The following SPOCK3 variants were observed in gnomAD, a reference collection of about 807,000 sequenced individuals.
The protein encoded by SPOCK3 is SPARC (osteonectin), cwcv and kazal like domains proteoglycan 3, also known as testican-3.
In SPOCK3, 30 loss-of-function variants were observed where a neutral mutation model predicts 56.6. The observed-to-expected ratio is 0.53, with a 90% CI of 0.40 to 0.72. The LOEUF is 0.72. SPOCK3 is among the 30% of genes least tolerant of loss of function. The pLI is 0.00. For missense variants in SPOCK3, 527 were observed against 530.0 expected (o/e 0.99, Z 0.06); for synonymous variants, 196 against 183.3 (o/e 1.07, Z -0.56).
At position 166,766,097 on chromosome 4, in the gene SPOCK3, T is replaced by G. The variant is rs1214162401; in HGVS notation, c.710-11368A>C. Reference sequence around the variant, plus strand: ...TTAAGGGGATTTTGGGCTGAGATGATAGGGTTTTCTAAATATACAATCATG... The same window carrying G: ...TTAAGGGGATTTTGGGCTGAGATGAGAGGGTTTTCTAAATATACAATCATG... On this transcript the variant is annotated intron_variant, in intron 7 of 10. Coordinates refer to ENST00000357545, the MANE Select transcript of SPOCK3 (RefSeq NM_001040159.2). 2.0e-5 allele frequency among the ~76,000 whole-genome samples: 3 copies of G among 152,190 alleles called. No homozygotes were observed. In the East Asian group the frequency reaches 5.8e-4, roughly 29 times the overall value.
chr4:166,966,245 T>A (rs1744721360), intron 4 of SPOCK3, among the ~76,000 whole-genome samples: 1 of 151,892 alleles, frequency 6.6e-6, no homozygotes, highest in Non-Finnish European at 1.5e-5. Context: ...TCAGCGTTTT[T>A]TTTTTTTTCC....
intron 3 of SPOCK3, among the ~76,000 whole-genome samples, chr4:167,037,844 A>T (rs1752900849): frequency 6.6e-6 from 1 of 152,268 alleles, no homozygotes; most frequent in Admixed American, 6.5e-5. Context: ...TTGTCTGCAC[A>T]TCTAATTAGA....
At chr4:167,166,228 A>G (rs1765750062) in intron 2 of SPOCK3, among the ~76,000 whole-genome samples, 1 of 152,106 alleles carries the variant, frequency 6.6e-6, no homozygotes, top group Non-Finnish European at 1.5e-5. Flanking sequence ...TCCCTGGACA[A>G]AACTAGAACA....
At chr4:166,988,860 A>C (rs958208609) in intron 4 of SPOCK3, among the ~76,000 whole-genome samples, 1 of 152,132 alleles carries the variant, frequency 6.6e-6, no homozygotes, top group Non-Finnish European at 1.5e-5. Context: ...CTTATCAATA[A>C]GCAGGTATTG....
At chr4:167,011,751 A>T (rs984942079) in intron 3 of SPOCK3, among the ~76,000 whole-genome samples, 9 of 152,186 alleles carry the variant, frequency 5.9e-5, no homozygotes, top group African/African-American at 2.2e-4. Flanking sequence ...TAAAAGACCT[A>T]TTGCTTTTAT....
At chr4:167,153,439 A>T (rs1254971047) in intron 2 of SPOCK3, among the ~76,000 whole-genome samples, 1 of 152,220 alleles carries the variant, frequency 6.6e-6, no homozygotes, top group Non-Finnish European at 1.5e-5. Context: ...GCTGTCCCAT[A>T]TGTGACTATT....
At chr4:167,171,256 T>C (rs1436926299) in intron 2 of SPOCK3, among the ~76,000 whole-genome samples, 1 of 152,122 alleles carries the variant, frequency 6.6e-6, no homozygotes, top group Non-Finnish European at 1.5e-5. Context: ...AGGTGTAGAA[T>C]GTGCACAGGT....
chr4:166,952,039 C>T (rs1322211264), intron 4 of SPOCK3, among the ~76,000 whole-genome samples: 1 of 152,200 alleles, frequency 6.6e-6, no homozygotes, highest in Non-Finnish European at 1.5e-5. Flanking sequence ...GGGATGCCTT[C>T]TCTCACCACT....
At chr4:167,210,897 G>A (rs908537081) in intron 2 of SPOCK3, among the ~76,000 whole-genome samples, 1 of 152,054 alleles carries the variant, frequency 6.6e-6, no homozygotes, top group Non-Finnish European at 1.5e-5. Context: ...TTCAGTTATT[G>A]CATAGACACT....
At chr4:166,821,646 C>T (rs1429042795) in intron 6 of SPOCK3, among the ~76,000 whole-genome samples, 1 of 151,760 alleles carries the variant, frequency 6.6e-6, no homozygotes, top group Admixed American at 6.6e-5. Context: ...ATAGATGAAC[C>T]TCAAAAAAAG....
intron 2 of SPOCK3, among the ~76,000 whole-genome samples, chr4:167,183,514 A>T (rs749183284): frequency 2.0e-5 from 3 of 152,202 alleles, no homozygotes; most frequent in Admixed American, 6.5e-5. Flanking sequence ...CTTCTTAAAG[A>T]CATATGAATA....
At chr4:166,921,717 A>T (rs1023577982) in intron 4 of SPOCK3, among the ~76,000 whole-genome samples, 14 of 152,210 alleles carry the variant, frequency 9.2e-5, no homozygotes, top group Non-Finnish European at 1.5e-5. Context: ...ACTATATATT[A>T]AAGACTATAA....
chr4:167,073,101 T>C (rs921152282), intron 2 of SPOCK3, among the ~76,000 whole-genome samples: 1 of 151,738 alleles, frequency 6.6e-6, no homozygotes, highest in African/African-American at 2.4e-5. Context: ...TTGTATCATA[T>C]TAATAATGTA....
chr4:166,990,741 G>T (rs1172624054), intron 4 of SPOCK3, among the ~76,000 whole-genome samples: 1 of 151,928 alleles, frequency 6.6e-6, no homozygotes, highest in Non-Finnish European at 1.5e-5. Flanking sequence ...AAAATGTCAT[G>T]ATTAAAATAA....
intron 6 of SPOCK3, among the ~76,000 whole-genome samples, chr4:166,850,887 G>A (rs906118540): frequency 9.9e-5 from 15 of 152,230 alleles, no homozygotes; most frequent in African/African-American, 2.2e-4. Flanking sequence ...AGCGAGGCTG[G>A]GGGAGGGGTG....
At chr4:167,161,005 C>T (rs912462067) in intron 2 of SPOCK3, among the ~76,000 whole-genome samples, 8 of 152,134 alleles carry the variant, frequency 5.3e-5, no homozygotes, top group African/African-American at 1.4e-4. Flanking sequence ...ATGTCTAAAA[C>T]ACCAAAAGCC....
intron 2 of SPOCK3, among the ~76,000 whole-genome samples, chr4:167,207,391 G>C (rs1734452312): frequency 6.6e-6 from 1 of 151,582 alleles, no homozygotes; most frequent in African/African-American, 2.4e-5. Flanking sequence ...ACAGAATACT[G>C]TCTAACTTTC....
intron 6 of SPOCK3, among the ~76,000 whole-genome samples, chr4:166,876,493 A>G (rs568124685): frequency 6.6e-6 from 1 of 152,320 alleles, no homozygotes; most frequent in East Asian, 1.9e-4. Flanking sequence ...AAGCAGAAAA[A>G]TATCAAATAT....
chr4:167,186,716 C>T (rs537640955), intron 2 of SPOCK3, among the ~76,000 whole-genome samples: 2 of 151,830 alleles, frequency 1.3e-5, no homozygotes, highest in East Asian at 1.9e-4. Context: ...GTGGCTCATG[C>T]CTGTAATCAC....
Sources: allele counts gnomAD v4.1 joint callset (sites outside exome capture counted in the v4.1 genomes callset), GRCh38; gene constraint gnomAD v4.1.1; transcripts MANE v1.5; gene names NCBI Gene and HGNC (gene_info 2026-07-23, HGNC 2026-07-21).